Variants in INPP5D observed in about 807,000 individuals in gnomAD.
INPP5D encodes the protein inositol polyphosphate-5-phosphatase D, also known as phosphatidylinositol 3,4,5-trisphosphate 5-phosphatase 1.
Under a neutral mutation model 122.9 loss-of-function variants are expected in INPP5D, and 33 were observed. The observed-to-expected ratio is 0.27, with a 90% CI of 0.20 to 0.36. The LOEUF (loss-of-function observed/expected upper bound fraction) is 0.36, where lower values mean the gene tolerates loss of function less well. Ranked by LOEUF, INPP5D falls within the 10% of genes least tolerant of loss-of-function variation. INPP5D has a pLI of 1.00. For synonymous variants in INPP5D, 584 were observed against 576.2 expected (o/e 1.01, Z -0.19); for missense variants, 1,053 against 1,412.7 (o/e 0.75, Z 4.08).
intron 6 of INPP5D, among the ~76,000 whole-genome samples, chr2:233,141,766 G>T (rs1441196689): frequency 1.3e-5 from 2 of 152,156 alleles, no homozygotes; most frequent in Non-Finnish European, 2.9e-5. Context: ...GAGGAAATCA[G>T]ATGGGAAGGA....
chr2:233,161,687 G>A (rs1391737620), intron 10 of INPP5D, 37 bp from the exon 11 acceptor site: 1 of 1,589,504 alleles, frequency 6.3e-7, no homozygotes, highest in East Asian at 2.3e-5. Context: ...CAGGGAGGCA[G>A]AGGCCTTTCT....
chr2:233,060,415 C>CT lies in INPP5D; in HGVS notation c.-64_-63insT, dbSNP rs572815651. ...AGGTTGCAGTGGAGGGGCCTCCGCT[C>CT]CCCTCGGTGGTGTGTGGGTCCTGGG... On this transcript the variant is annotated 5_prime_UTR_variant, in exon 1 of 27. Coordinates refer to ENST00000445964, the MANE Select transcript of INPP5D (RefSeq NM_001017915.3). 324 of 1,503,884 alleles carry CT rather than the reference C, an allele frequency of 2.2e-4. 2 individuals are homozygous for CT. The African/African-American group carries it at 4.3e-3, about 20-fold the overall frequency. The allele number at this position is 1,503,884 out of a possible 1,614,324, so 93.2% of individuals were successfully genotyped here. A position where few individuals can be genotyped will look rare whatever the true frequency, so the allele number is the denominator to read the frequency against.
rs897896746 is a variant in INPP5D at position 233,197,078 on chromosome 2, T to A, written c.2694-1017T>A. 6.6e-6 allele frequency among the ~76,000 whole-genome samples: 1 copy of A among 152,202 alleles called. No individual in the cohort carries two copies. Among genetic ancestry groups the A allele is most frequent in the African/African-American group, 2.4e-5 (1 of 41,446 alleles). On this transcript the variant is annotated intron_variant, in intron 24 of 26. Transcript: ENST00000445964. The surrounding 1 kb of genome is among the most constrained non-coding windows in gnomAD (Gnocchi z 4.4). ...ATTTTGACTAGCATGAGAACGAGCA[T>A]TTATTTCTGAAGCAGGCAGTGGTGG...
chr2:233,084,260 G>T (rs35954034), intron 2 of INPP5D, among the ~76,000 whole-genome samples: 7 of 152,182 alleles, frequency 4.6e-5, no homozygotes, highest in Non-Finnish European at 1.0e-4. Flanking sequence ...TCACTATGTT[G>T]CCCAGGCTGG....
Position 233,105,993 on chromosome 2 carries a change from T to C in INPP5D, c.199-16114T>C, listed in dbSNP as rs1692458937. Among the ~76,000 whole-genome samples the C allele has an allele frequency of 6.6e-6, 1 of 152,228 alleles. No homozygotes were observed. Among genetic ancestry groups the C allele is most frequent in the Admixed American group, 6.5e-5 (1 of 15,286 alleles). ...ATTTGTCCCTATTGGCAGATACTGA[T>C]GATAAAACAAGTTGTGTGACATTGG... On this transcript the variant is annotated intron_variant, in intron 2 of 26. Coordinates refer to ENST00000445964, the MANE Select transcript of INPP5D (RefSeq NM_001017915.3). This position sits in a 1 kb window ranked among gnomAD's most constrained non-coding sequence, Gnocchi z 4.0.
intron 10 of INPP5D, among the ~76,000 whole-genome samples, chr2:233,159,516 G>T (rs1694143906): frequency 6.7e-6 from 1 of 148,640 alleles, no homozygotes; most frequent in Admixed American, 6.8e-5. Context: ...TGTGCAAGAT[G>T]GTGAGACCTC....
intron 2 of INPP5D, among the ~76,000 whole-genome samples, chr2:233,116,244 GATAGATAGAT>G (rs1361095738): frequency 1.0e-4 from 10 of 97,292 alleles, no homozygotes; most frequent in Non-Finnish European, 1.9e-4. Flanking sequence ...TAGATAGATA[GATAGATAGAT>G]ATAGATATAG....
intron 17 of INPP5D, among the ~76,000 whole-genome samples, chr2:233,175,029 C>G (rs1054870232): frequency 6.6e-6 from 1 of 151,606 alleles, no homozygotes; most frequent in African/African-American, 2.4e-5. Context: ...GAGTTCCAGA[C>G]CAGTCTGGCC....
Position 233,204,417 on chromosome 2 carries a change from A to G in INPP5D, c.3267A>G (p.Ser1089=), listed in dbSNP as rs778284696. ...CCCGGCTGCGCTCCTTCACGTGCTCATCCTCTGCCGAGGGCAGGGCGGCCG... is the reference window on the plus strand; with the variant it reads ...CCCGGCTGCGCTCCTTCACGTGCTCGTCCTCTGCCGAGGGCAGGGCGGCCG... ...PAPRLRSFTC[S]SSAEGRAAGG... is the part of the protein sequence containing the mutation. The change falls in exon 26 of 27, where the codon TCA becomes TCG. Residue 1089 remains serine (S), a synonymous_variant. Transcript: ENST00000445964. 2.5e-6 allele frequency: 4 copies of G among 1,609,554 alleles called. No individual in the cohort carries two copies. The highest frequency in any genetic ancestry group is 3.4e-6 in the Non-Finnish European group (4 of 1,178,540).
intron 1 of INPP5D, among the ~76,000 whole-genome samples, chr2:233,065,800 C>T (rs1335740862): frequency 6.6e-6 from 1 of 151,902 alleles, no homozygotes; most frequent in Non-Finnish European, 1.5e-5. Context: ...GTACCCACCA[C>T]CATACCTGGC....
chr2:233,185,976 C>T, intron 21 of INPP5D, 51 bp downstream of exon 21: 4 of 1,520,618 alleles, frequency 2.6e-6, no homozygotes, highest in Non-Finnish European at 1.8e-6. Context: ...TTTACTAGGC[C>T]AGTAGTACCA....
chr2:233,099,572 A>G (rs1692245206), intron 2 of INPP5D, among the ~76,000 whole-genome samples: 1 of 152,248 alleles, frequency 6.6e-6, no homozygotes, highest in South Asian at 2.1e-4. Context: ...GCTTTATGGA[A>G]ACCTATAGAT....
At chr2:233,065,716 G>C (rs1430718975) in intron 1 of INPP5D, among the ~76,000 whole-genome samples, 1 of 149,724 alleles carries the variant, frequency 6.7e-6, no homozygotes, top group African/African-American at 2.5e-5. Context: ...GCATGATCTT[G>C]GCTCACTGCA....
At chr2:233,114,160 G>A (rs927495406) in intron 2 of INPP5D, among the ~76,000 whole-genome samples, 6 of 152,034 alleles carry the variant, frequency 3.9e-5, no homozygotes, top group East Asian at 1.9e-4. Flanking sequence ...TGCCCGCCTC[G>A]GCCTCCCAAA....
chr2:233,062,757 G>GCTTC (rs1300018212), intron 1 of INPP5D, among the ~76,000 whole-genome samples: 4 of 152,150 alleles, frequency 2.6e-5, no homozygotes, highest in Non-Finnish European at 5.9e-5. Context: ...AGGGTGGGAA[G>GCTTC]CTTCCCTTCC....
chr2:233,174,617 C>T (rs1007080633), intron 17 of INPP5D, among the ~76,000 whole-genome samples: 1 of 151,966 alleles, frequency 6.6e-6, no homozygotes, highest in African/African-American at 2.4e-5. Flanking sequence ...CATGGCGAAA[C>T]CCCATCTCTA....
At chr2:233,104,740 A>G (rs1692417687) in intron 2 of INPP5D, among the ~76,000 whole-genome samples, 1 of 152,202 alleles carries the variant, frequency 6.6e-6, no homozygotes, top group Non-Finnish European at 1.5e-5. Flanking sequence ...TCAGCTGTTG[A>G]GGACAGGCTT....
intron 9 of INPP5D, among the ~76,000 whole-genome samples, chr2:233,153,771 TG>T (rs1693981940): frequency 6.6e-6 from 1 of 152,188 alleles, no homozygotes; most frequent in Non-Finnish European, 1.5e-5. Flanking sequence ...GGTGAAGGGC[TG>T]GGAGATGCCA....
At chr2:233,114,419 G>A (rs1387223934) in intron 2 of INPP5D, among the ~76,000 whole-genome samples, 4 of 152,220 alleles carry the variant, frequency 2.6e-5, no homozygotes, top group Non-Finnish European at 5.9e-5. Flanking sequence ...TGCAGAGCGG[G>A]GAGAGGCCAG....
Sources: allele counts gnomAD v4.1 joint callset (sites outside exome capture counted in the v4.1 genomes callset), GRCh38; gene constraint gnomAD v4.1.1; non-coding constraint Gnocchi (gnomAD v3.1); transcripts MANE v1.5; gene names NCBI Gene and HGNC (gene_info 2026-07-23, HGNC 2026-07-21).